Variants in WDPCP observed in about 807,000 individuals in gnomAD.
WDPCP encodes the protein WD repeat containing planar cell polarity effector.
A neutral mutation model predicts 93.1 loss-of-function variants in WDPCP; 71 were observed. The observed-to-expected ratio is 0.76, with a 90% CI of 0.63 to 0.93. The LOEUF (loss-of-function observed/expected upper bound fraction) is 0.93. Among genes scored for constraint, WDPCP ranks in the 40% least tolerant of loss-of-function variants. The probability of loss-of-function intolerance (pLI) is 0.00; values close to 1 mark genes in which losing one functional copy is unlikely to be tolerated. For synonymous variants in WDPCP, 315 were observed against 315.0 expected (o/e 1.00, Z 0.00); for missense variants, 844 against 887.4 (o/e 0.95, Z 0.62).
chr2:63,293,987 A>G (rs1448529532), intron 13 of WDPCP, among the ~76,000 whole-genome samples: 2 of 152,260 alleles, frequency 1.3e-5, no homozygotes, highest in Admixed American at 1.3e-4. Flanking sequence ...GATGAAAGGT[A>G]TGAATACAAA....
chr2:63,410,959 T>C (rs1417481577), intron 9 of WDPCP, among the ~76,000 whole-genome samples: 2 of 151,996 alleles, frequency 1.3e-5, no homozygotes, highest in African/African-American at 2.4e-5. Flanking sequence ...ACTTCAATAC[T>C]CCACTAACAG....
chr2:63,523,643 G>A (rs1442798174), intron 1 of WDPCP, among the ~76,000 whole-genome samples: 1 of 152,212 alleles, frequency 6.6e-6, no homozygotes, highest in Admixed American at 6.5e-5. Flanking sequence ...TGGGCGCAGT[G>A]GCTCACACCT....
chr2:63,717,699 C>T, intron 2 of WDPCP: 1 of 474,496 alleles, frequency 2.1e-6, no homozygotes, highest in East Asian at 5.7e-5. Context: ...GGCCAAGAAT[C>T]CTTGGCCCAA....
In WDPCP at chr2:63,135,393, G is replaced by A. The variant is rs142146210; in HGVS notation, c.2191-13337C>T. 5.3e-3 allele frequency among the ~76,000 whole-genome samples: 813 copies of A among 152,270 alleles called. 2 individuals carry two copies. Among genetic ancestry groups the A allele is most frequent in the Non-Finnish European group, 8.2e-3 (556 of 68,006 alleles). Reference sequence around the variant, plus strand: ...ATTGTCCAGGCTGGAGTGCAGTGGCGCGATCTTGGCTCACTGCCACCTCGG... The same window carrying A: ...ATTGTCCAGGCTGGAGTGCAGTGGCACGATCTTGGCTCACTGCCACCTCGG... On this transcript the variant is annotated intron_variant, in intron 17 of 17. Coordinates refer to ENST00000272321, the MANE Select transcript of WDPCP (RefSeq NM_015910.7).
At chr2:63,197,669 A>C (rs1213131574) in intron 14 of WDPCP, among the ~76,000 whole-genome samples, 1 of 152,238 alleles carries the variant, frequency 6.6e-6, no homozygotes, top group Non-Finnish European at 1.5e-5. Context: ...TGGAAATTTC[A>C]ACATATCTGA....
At chr2:63,809,339 C>T (rs1299221781) in intron 2 of WDPCP, among the ~76,000 whole-genome samples, 10 of 151,688 alleles carry the variant, frequency 6.6e-5, no homozygotes, top group African/African-American at 1.7e-4. Context: ...AGGTGAGGGG[C>T]GCCTCTGCCC....
chr2:63,808,866 T>C (rs1670813908), intron 2 of WDPCP, among the ~76,000 whole-genome samples: 3 of 150,568 alleles, frequency 2.0e-5, no homozygotes, highest in Admixed American at 6.6e-5. Flanking sequence ...GGAGCGTCTC[T>C]GCCCGGCCGC....
chr2:63,828,610 G>C (rs1214935693), upstream of WDPCP, among the ~76,000 whole-genome samples: 1 of 152,110 alleles, frequency 6.6e-6, no homozygotes, highest in Non-Finnish European at 1.5e-5. Context: ...GAGGTTTTCT[G>C]TGTAACTATG....
chr2:63,277,845 G>A (rs189801902), intron 13 of WDPCP, among the ~76,000 whole-genome samples: 23 of 152,228 alleles, frequency 1.5e-4, no homozygotes, highest in Non-Finnish European at 5.9e-5. Context: ...TAAACAGGTC[G>A]TCAAGACAGA....
intron 10 of WDPCP, among the ~76,000 whole-genome samples, chr2:63,402,211 C>T (rs1331363521): frequency 6.6e-6 from 1 of 152,124 alleles, no homozygotes; most frequent in Non-Finnish European, 1.5e-5. Context: ...CAAACTAACA[C>T]AGGAAAAGAA....
chr2:63,155,600 G>C (rs1449414475), intron 15 of WDPCP, among the ~76,000 whole-genome samples: 2 of 152,124 alleles, frequency 1.3e-5, no homozygotes, highest in Admixed American at 6.6e-5. Flanking sequence ...AGTAAATAAA[G>C]TTTTATTGGA....
intron 12 of WDPCP, among the ~76,000 whole-genome samples, chr2:63,375,669 TTCCTC>T (rs1331078120): frequency 6.6e-6 from 1 of 151,922 alleles, no homozygotes; most frequent in Non-Finnish European, 1.5e-5. Context: ...GTCTATAGAA[TTCCTC>T]TCCTCTCAAG....
In WDPCP at chr2:63,121,905, A is replaced by G. The variant is rs1291985761; in HGVS notation, c.*101T>C. 3 of 1,578,388 alleles carry G rather than the reference A, an allele frequency of 1.9e-6. No individual in the cohort carries two copies. The highest frequency in any genetic ancestry group is 1.4e-5 in the African/African-American group (1 of 73,092). On this transcript the variant is annotated 3_prime_UTR_variant, in exon 18 of 18. Transcript: ENST00000272321. ...AACTCTTAACTAATTTATATGATTC[A>G]TACTGTCTCTTGTTAAAAATCCACA...
chr2:63,557,995 C>T (rs1314068594), intron 1 of WDPCP, among the ~76,000 whole-genome samples: 2 of 152,080 alleles, frequency 1.3e-5, no homozygotes, highest in East Asian at 3.9e-4. Flanking sequence ...ACAGCTGAAG[C>T]AGTGTCATAA....
chr2:63,641,990 A>G (rs1303673751), intron 3 of WDPCP, among the ~76,000 whole-genome samples: 1 of 152,064 alleles, frequency 6.6e-6, no homozygotes, highest in Non-Finnish European at 1.5e-5. Context: ...ATAGAGGTCT[A>G]GTTTCTTTCT....
At chr2:63,768,488 G>A (rs1670180018) in intron 2 of WDPCP, among the ~76,000 whole-genome samples, 2 of 151,924 alleles carry the variant, frequency 1.3e-5, no homozygotes, top group Non-Finnish European at 2.9e-5. Context: ...GATAATTGAT[G>A]TCTTAAAAAT....
At chr2:63,814,770 C>T (rs919035095) in intron 1 of WDPCP, among the ~76,000 whole-genome samples, 7 of 152,192 alleles carry the variant, frequency 4.6e-5, no homozygotes, top group African/African-American at 1.7e-4. Context: ...ACACTATCTA[C>T]ATGTGGCTGT....
At chr2:63,613,333 A>C (rs1709635951) in intron 3 of WDPCP, among the ~76,000 whole-genome samples, 1 of 152,258 alleles carries the variant, frequency 6.6e-6, no homozygotes, top group Non-Finnish European at 1.5e-5. Context: ...GAAGAAGAGC[A>C]GGAGCAGGGA....
intron 2 of WDPCP, among the ~76,000 whole-genome samples, chr2:63,786,093 G>A (rs1227715076): frequency 2.0e-5 from 3 of 152,124 alleles, no homozygotes; most frequent in African/African-American, 7.2e-5. Flanking sequence ...AGGCTGGAGT[G>A]CAGTGGCGCA....
Sources: allele counts gnomAD v4.1 joint callset (sites outside exome capture counted in the v4.1 genomes callset), GRCh38; gene constraint gnomAD v4.1.1; transcripts MANE v1.5; gene names NCBI Gene and HGNC (gene_info 2026-07-23, HGNC 2026-07-21).